The following CAST variants were observed in gnomAD, a reference collection of about 807,000 sequenced individuals.
CAST encodes the protein calpastatin.
CAST carries 76 observed loss-of-function variants against 119.6 expected under a neutral mutation model. The observed-to-expected ratio is 0.64, with a 90% confidence interval of 0.53 to 0.77. The LOEUF is 0.77. Ranked by LOEUF, CAST falls within the 30% of genes least tolerant of loss-of-function variation. The pLI, the probability that CAST is intolerant of heterozygous loss-of-function variation, is 0.00. For synonymous variants in CAST, 319 were observed against 331.6 expected (o/e 0.96, Z 0.41); for missense variants, 953 against 946.5 (o/e 1.01, Z -0.09).
At chr5:96,738,806 A>G (rs1762147500) in intron 11 of CAST, among the ~76,000 whole-genome samples, 1 of 151,850 alleles carries the variant, frequency 6.6e-6, no homozygotes. Context: ...ATGTTGGCGC[A>G]TGGCTGTAAT....
the CAST span, among the ~76,000 whole-genome samples, chr5:96,483,908 C>T: frequency 6.6e-6 from 1 of 152,156 alleles, no homozygotes; most frequent in Non-Finnish European, 1.5e-5. Context: ...TCCTATGTTT[C>T]AAGTTCAGTG....
the CAST span, among the ~76,000 whole-genome samples, chr5:96,389,210 A>G: frequency 1.3e-5 from 2 of 152,156 alleles, no homozygotes; most frequent in African/African-American, 4.8e-5. Context: ...ATAAAAATGT[A>G]TTACATACTG....
the CAST span, among the ~76,000 whole-genome samples, chr5:96,353,062 A>C: frequency 6.6e-6 from 1 of 152,164 alleles, no homozygotes; most frequent in Non-Finnish European, 1.5e-5. Flanking sequence ...TTACATGAGC[A>C]TGGTCAGGAT....
At chr5:96,670,614 C>T (rs2150235666) in intron 1 of CAST, among the ~76,000 whole-genome samples, 1 of 152,336 alleles carries the variant, frequency 6.6e-6, no homozygotes, top group Middle Eastern at 3.4e-3. Flanking sequence ...TCTCCTGCCT[C>T]AGCCTCCGGA....
intron 3 of CAST, among the ~76,000 whole-genome samples, chr5:96,711,623 A>G (rs1236125049): frequency 6.6e-6 from 1 of 152,180 alleles, no homozygotes; most frequent in Non-Finnish European, 1.5e-5. Flanking sequence ...CAAATAACTT[A>G]CCCTAGGTCA....
chr5:96,402,064 G>A, the CAST span, among the ~76,000 whole-genome samples: 4 of 152,174 alleles, frequency 2.6e-5, no homozygotes, highest in Admixed American at 6.5e-5. Flanking sequence ...CTCAGCACTC[G>A]GTTGGAGAAC....
At chr5:96,524,472 C>G (rs753380664), upstream of CAST, among the ~76,000 whole-genome samples, 3 of 152,202 alleles carry the variant, frequency 2.0e-5, no homozygotes, top group Non-Finnish European at 2.9e-5. Flanking sequence ...AGCATTCCAG[C>G]AGGGAGTGGA....
the CAST span, among the ~76,000 whole-genome samples, chr5:96,438,287 C>T: frequency 3.9e-5 from 6 of 152,280 alleles, no homozygotes; most frequent in Middle Eastern, 3.4e-3. Context: ...GTATACCGTT[C>T]ATGCAGCTTT....
intron 1 of CAST, among the ~76,000 whole-genome samples, chr5:96,610,186 G>A (rs1747333054): frequency 1.3e-5 from 2 of 152,188 alleles, no homozygotes; most frequent in South Asian, 2.1e-4. Context: ...CATGTAAGAT[G>A]TGCCTTTGCT....
chr5:96,089,500 C>G, the CAST span, among the ~76,000 whole-genome samples: 1 of 152,180 alleles, frequency 6.6e-6, no homozygotes, highest in Non-Finnish European at 1.5e-5. Context: ...AGTTATCATA[C>G]ATCCATACAA....
chr5:96,523,222 A>T (rs73775309), upstream of CAST, among the ~76,000 whole-genome samples: 5 of 152,188 alleles, frequency 3.3e-5, no homozygotes, highest in African/African-American at 1.2e-4. Flanking sequence ...GTGCCCACAC[A>T]TGGCACTGCT....
chr5:96,554,071 A>C (rs935550086), intron 1 of CAST, among the ~76,000 whole-genome samples: 3 of 152,196 alleles, frequency 2.0e-5, no homozygotes, highest in African/African-American at 7.2e-5. Flanking sequence ...CTTCATATGG[A>C]AACAAGAAAG....
intron 4 of CAST, among the ~76,000 whole-genome samples, chr5:96,722,906 G>T (rs192283017): frequency 2.0e-5 from 3 of 152,114 alleles, no homozygotes; most frequent in Admixed American, 2.0e-4. Flanking sequence ...ATGGTTTTAG[G>T]TTATCTAGAA....
At chr5:96,496,785 G>A in the CAST span, among the ~76,000 whole-genome samples, 1 of 152,070 alleles carries the variant, frequency 6.6e-6, no homozygotes, top group Non-Finnish European at 1.5e-5. Flanking sequence ...TTTAGAATTA[G>A]CATATTTATT....
chr5:95,977,609 T>C, the CAST span, among the ~76,000 whole-genome samples: 4 of 152,232 alleles, frequency 2.6e-5, no homozygotes, highest in African/African-American at 4.8e-5. Context: ...CATTTTATTA[T>C]GATAGATTCT....
At chr5:96,694,012 C>G (rs1233756353) in intron 2 of CAST, among the ~76,000 whole-genome samples, 6 of 152,124 alleles carry the variant, frequency 3.9e-5, no homozygotes, top group Non-Finnish European at 8.8e-5. Flanking sequence ...AGAGATTGTG[C>G]TTTGAGGACA....
chr5:96,729,462 T>C (rs942602166), intron 7 of CAST, 150 bp from the exon 8 acceptor site: 2 of 619,384 alleles, frequency 3.2e-6, no homozygotes, highest in East Asian at 5.5e-5. Context: ...ATCACACTAA[T>C]TGAAATTTAC....
chr5:96,263,602 TAGAGAG>T, the CAST span, among the ~76,000 whole-genome samples: 3 of 146,044 alleles, frequency 2.1e-5, no homozygotes, highest in Admixed American at 6.8e-5. Flanking sequence ...GATAGCAAAT[TAGAGAG>T]AGAGAGAGAG....
At chr5:96,309,965 T>C in the CAST span, among the ~76,000 whole-genome samples, 1 of 152,226 alleles carries the variant, frequency 6.6e-6, no homozygotes, top group African/African-American at 2.4e-5. Flanking sequence ...TCCAAACTGT[T>C]GAATGTAAGT....
Sources: gnomAD v4.1 joint callset for allele counts (sites outside exome capture counted in the v4.1 genomes callset) on GRCh38, gnomAD v4.1.1 for gene constraint, MANE v1.5 for transcripts, NCBI Gene and HGNC (gene_info 2026-07-23, HGNC 2026-07-21) for gene names.